ZBTB17: variants seen among roughly 807,000 people sequenced by gnomAD.
The protein encoded by ZBTB17 is zinc finger and BTB domain containing 17.
Under a neutral mutation model 85.1 loss-of-function variants are expected in ZBTB17, and 24 were observed. That is an observed-to-expected ratio of 0.28 (90% confidence interval 0.20 to 0.40). ZBTB17 has a LOEUF of 0.40. Ranked by LOEUF, ZBTB17 falls within the 10% of genes least tolerant of loss-of-function variation. The pLI, the probability that ZBTB17 is intolerant of heterozygous loss-of-function variation, is 1.00. For missense variants in ZBTB17, 743 were observed against 1,105.1 expected, an observed-to-expected ratio of 0.67 and a Z score of 4.65; for synonymous variants, 464 against 460.2, an observed-to-expected ratio of 1.01 and a Z score of -0.11.
chr1:15,950,654 C>T (rs1476694419), intron 2 of ZBTB17, among the ~76,000 whole-genome samples: 2 of 152,228 alleles, frequency 1.3e-5, no homozygotes, highest in Non-Finnish European at 2.9e-5. Context: ...CTGGCTTCCT[C>T]ACCTTCCCCA....
Position 15,969,584 on chromosome 1 carries a change from G to A in ZBTB17, c.-3+3455C>T, listed in dbSNP as rs566188126. ...CTCATGGGGTGGGAAGTGTGAGGCC[G>A]CTGCCTGCCTGGGCCTCGGAGGGTG... On this transcript the variant is annotated intron_variant, in intron 2 of 15. Transcript: ENST00000375743. 77 of 399,464 alleles carry A rather than the reference G, an allele frequency of 1.9e-4. 1 individual carries two copies. The highest frequency in any genetic ancestry group is 1.2e-3 in the African/African-American group (56 of 48,504). 24.7% of individuals were successfully genotyped at this position (399,464 alleles called of 1,614,324 possible). A position where few individuals can be genotyped will look rare whatever the true frequency, so the allele number is the denominator to read the frequency against.
At chr1:15,961,052 T>C (rs922312252) in intron 2 of ZBTB17, among the ~76,000 whole-genome samples, 1 of 151,808 alleles carries the variant, frequency 6.6e-6, no homozygotes, top group Non-Finnish European at 1.5e-5. Context: ...AGGTCAACGC[T>C]GCAGTGAGCA....
At chr1:15,960,902 T>A (rs1158020264) in intron 2 of ZBTB17, among the ~76,000 whole-genome samples, 1 of 152,180 alleles carries the variant, frequency 6.6e-6, no homozygotes, top group Non-Finnish European at 1.5e-5. Flanking sequence ...AGTGTTAAGA[T>A]GTAATACATG....
chr1:15,946,376 G>A (rs1355392979), intron 4 of ZBTB17, 82 bp from the exon 5 acceptor site: 33 of 1,554,930 alleles, frequency 2.1e-5, no homozygotes, highest in Non-Finnish European at 2.8e-5. Flanking sequence ...GAACTTGCTA[G>A]GTCTTCCTCG....
intron 2 of ZBTB17, among the ~76,000 whole-genome samples, chr1:15,949,299 C>T (rs902016951): frequency 2.6e-5 from 4 of 152,198 alleles, no homozygotes; most frequent in African/African-American, 4.8e-5. Flanking sequence ...AGTCTTGAAC[C>T]GCACAAGCCG....
intron 1 of ZBTB17, among the ~76,000 whole-genome samples, chr1:15,974,287 G>A (rs2072778734): frequency 1.3e-5 from 2 of 149,684 alleles, no homozygotes; most frequent in Admixed American, 6.6e-5. Context: ...CCAAGAAGCT[G>A]GGACCACCAG....
At position 15,948,471 on chromosome 1, in the gene ZBTB17, G is replaced by T; in HGVS notation, c.25C>A (p.His9Asn). 6.2e-7 allele frequency: 1 copy of T among 1,613,896 alleles called. No homozygotes were observed. The highest frequency in any genetic ancestry group is 8.5e-7 in the Non-Finnish European group (1 of 1,179,934). Residue 9 changes from histidine (H) to asparagine (N), a missense_variant, in exon 3 of 16, where the codon CAT (histidine) becomes AAT (asparagine). His to Asn is a moderately conservative substitution (Grantham distance 68). Coordinates refer to ENST00000375743, the MANE Select transcript of ZBTB17 (RefSeq NM_003443.3). ...TGCTGGTTCAGCTGTTCCAAGACATGCTGGCTGTGCTGGGGAAAGTCCATG... is the reference window on the plus strand; with the variant it reads ...TGCTGGTTCAGCTGTTCCAAGACATTCTGGCTGTGCTGGGGAAAGTCCATG... MDFPQHSQ[H>N]VLEQLNQQRQ... is the part of the protein sequence containing the mutation.
chr1:15,966,801 G>A lies in ZBTB17; in HGVS notation c.-3+6238C>T, dbSNP rs1319239362. Among the ~76,000 whole-genome samples, 4 of 152,026 alleles carry A rather than the reference G, an allele frequency of 2.6e-5. No individual in the cohort carries two copies. The highest frequency in any genetic ancestry group is 4.4e-5 in the Non-Finnish European group (3 of 68,028). Reference sequence around the variant, plus strand: ...TCAACCATTTAAAAATTGTGGCCACGGGAGGCTGAGGTGGGAGGATCGCTT... The same window carrying A: ...TCAACCATTTAAAAATTGTGGCCACAGGAGGCTGAGGTGGGAGGATCGCTT... On this transcript the variant is annotated intron_variant, in intron 2 of 15. Coordinates refer to ENST00000375743, the MANE Select transcript of ZBTB17 (RefSeq NM_003443.3). This position sits in a 1 kb window ranked among gnomAD's most constrained non-coding sequence, Gnocchi z 4.1.
At position 15,948,361 on chromosome 1, in the gene ZBTB17, G is replaced by A. The variant is rs374339710; in HGVS notation, c.135C>T (p.Cys45=). 5 of 1,613,920 alleles carry A rather than the reference G, an allele frequency of 3.1e-6. No individual in the cohort carries two copies. The African/African-American group carries it at 6.7e-5, about 22-fold the overall frequency. The change falls in exon 3 of 16, where the codon TGC becomes TGT. Residue 45 remains cysteine (C), a synonymous_variant. Transcript: ENST00000375743. ...FKAHKAVLAA[C]SEYFKMLFVD... ...CGAAGAGCATCTTGAAGTACTCGCT[G>A]CAGGCCGCCAGCACTGCTTTATGAG... is the stretch of plus-strand genomic sequence containing the variant.
chr1:15,950,284 C>T (rs980087420), intron 2 of ZBTB17, among the ~76,000 whole-genome samples: 3 of 152,224 alleles, frequency 2.0e-5, no homozygotes, highest in East Asian at 1.9e-4. Context: ...ATCGTGGCTG[C>T]GCTGCTCCTA....
chr1:15,958,892 C>T (rs530163322), intron 2 of ZBTB17, among the ~76,000 whole-genome samples: 11 of 152,290 alleles, frequency 7.2e-5, no homozygotes, highest in Non-Finnish European at 1.5e-5. Flanking sequence ...GAGGGCCAGG[C>T]TGGGGCTAGG....
rs967210833 is a variant in ZBTB17, at chr1:15,951,619, G to T, written c.-2-3122C>A. On this transcript the variant is annotated intron_variant, in intron 2 of 15. Coordinates refer to ENST00000375743, the MANE Select transcript of ZBTB17 (RefSeq NM_003443.3). The surrounding 1 kb of genome is among the most constrained non-coding windows in gnomAD (Gnocchi z 4.1). ...CCCGTGGCGAGACGGAGGCATGGCC[G>T]GCTGGGTCCTTCCCTCTGAGGGGCT... Among the ~76,000 whole-genome samples, 12 of 152,084 alleles carry T rather than the reference G, an allele frequency of 7.9e-5. No homozygotes were observed. Among genetic ancestry groups the T allele is most frequent in the African/African-American group, 2.4e-4 (10 of 41,408 alleles).
intron 2 of ZBTB17, among the ~76,000 whole-genome samples, chr1:15,967,973 T>C (rs1372929055): frequency 6.6e-6 from 1 of 152,128 alleles, no homozygotes; most frequent in Non-Finnish European, 1.5e-5. Flanking sequence ...CAGGAGATAT[T>C]TGGCAATATC....
chr1:15,948,166 G>T, intron 3 of ZBTB17, 125 bp downstream of exon 3: 1 of 1,128,586 alleles, frequency 8.9e-7, no homozygotes, highest in Non-Finnish European at 1.3e-6. Context: ...ATGGCCTGAA[G>T]CCTGTGCGGG....
rs143543591 is a variant in ZBTB17 at position 15,942,662 on chromosome 1, G to A, written c.1905C>T (p.Thr635=). The A allele has an allele frequency of 3.5e-5, 56 of 1,613,562 alleles. No homozygotes were observed. The highest frequency in any genetic ancestry group is 1.5e-4 in the Admixed American group (9 of 59,998). The change falls in exon 14 of 16, where the codon ACC becomes ACT. Residue 635 remains threonine, a synonymous_variant. Transcript: ENST00000375743. ...TGATGCCTGCCTTGCCCTGGTGCAC[G>A]GTCTTCACGTGGGAGCGCAGGTTGT... The part of the protein sequence containing the change: ...RVDNLRSHVK[T]VHQGKAGIKI...
intron 3 of ZBTB17, among the ~76,000 whole-genome samples, chr1:15,947,914 A>T (rs72885821): frequency 6.6e-6 from 1 of 152,168 alleles, no homozygotes; most frequent in African/African-American, 2.4e-5. Flanking sequence ...GGCCTTCCCC[A>T]TCACCTCTCC....
intron 15 of ZBTB17, 36 bp from the exon 16 acceptor site, chr1:15,942,288 C>T (rs371676489): frequency 6.5e-5 from 105 of 1,613,606 alleles, no homozygotes; most frequent in Non-Finnish European, 8.3e-5. Flanking sequence ...GTGGGAAGGA[C>T]CCCGGGCTCT....
chr1:15,976,086 G>A lies in ZBTB17; in HGVS notation c.-193C>T. 7.3e-6 allele frequency: 5 copies of A among 681,972 alleles called. No homozygotes were observed. The highest frequency in any genetic ancestry group is 2.3e-4 in the Middle Eastern group (1 of 4,286). The allele number at this position is 681,972 out of a possible 1,614,324, so 42.2% of individuals were successfully genotyped here. On this transcript the variant is annotated 5_prime_UTR_variant, in exon 1 of 16. Transcript: ENST00000375743. ...CAAAGGGCGCCGCCATGTTAGAGTC[G>A]GGCGGAACCGACCTCGCAGGCTTCC... is the stretch of plus-strand genomic sequence containing the variant.
intron 2 of ZBTB17, chr1:15,970,042 C>A: frequency 1.4e-6 from 1 of 723,478 alleles, no homozygotes; most frequent in South Asian, 1.5e-5. Context: ...GTATGGCTGC[C>A]GTCATATTTC....
Sources: allele counts gnomAD v4.1 joint callset (sites outside exome capture counted in the v4.1 genomes callset), GRCh38; gene constraint gnomAD v4.1.1; non-coding constraint Gnocchi (gnomAD v3.1); transcripts MANE v1.5; gene names NCBI Gene and HGNC (gene_info 2026-07-23, HGNC 2026-07-21).